IPCEF1: variants seen among roughly 807,000 people sequenced by gnomAD.
The protein encoded by IPCEF1 is interaction protein for cytohesin exchange factors 1.
Under a neutral mutation model 50.9 loss-of-function variants are expected in IPCEF1, and 31 were observed. That is an observed-to-expected ratio of 0.61 (90% CI 0.46 to 0.82). The LOEUF is 0.82. Among genes scored for constraint, IPCEF1 ranks in the 40% least tolerant of loss-of-function variants. The pLI is 0.00. For missense variants in IPCEF1, 458 were observed against 514.0 expected (o/e 0.89, Z 1.05); for synonymous variants, 181 against 192.0 (o/e 0.94, Z 0.47).
At chr6:154,284,805 T>A (rs1470494847) in intron 2 of IPCEF1, among the ~76,000 whole-genome samples, 4 of 152,038 alleles carry the variant, frequency 2.6e-5, no homozygotes, top group African/African-American at 7.2e-5. Context: ...ATCAAGACCA[T>A]CCTGGCCAAC....
intron 10 of IPCEF1, among the ~76,000 whole-genome samples, chr6:154,180,414 A>ATAT (rs1241250621): frequency 1.1e-4 from 7 of 65,266 alleles, no homozygotes; most frequent in East Asian, 1.0e-3. Context: ...ATATATATAT[A>ATAT]TTTTTTTTTT....
At chr6:154,348,208 G>A (rs1310720907) in intron 1 of IPCEF1, among the ~76,000 whole-genome samples, 1 of 152,150 alleles carries the variant, frequency 6.6e-6, no homozygotes, top group Admixed American at 6.6e-5. Context: ...CGAGTGCCTG[G>A]CTCAAACCTT....
rs191610166 is a variant in IPCEF1 at position 154,197,463 on chromosome 6, C to A, written c.910+2205G>T. The stretch of plus-strand genomic sequence containing the variant: ...TTCTGTAGCATATGAGAACTGCCAA[C>A]AAATCAATGAGAGAAAAAAAATACT... On this transcript the variant is annotated intron_variant, in intron 10 of 11. Transcript: ENST00000367220. Among the ~76,000 whole-genome samples, 7 of 152,258 alleles carry A rather than the reference C, an allele frequency of 4.6e-5. No homozygotes were observed. In the East Asian group the frequency reaches 1.3e-3, roughly 29 times the overall value.
Position 154,156,279 on chromosome 6 carries a change from C to T in IPCEF1, c.*3549G>A, listed in dbSNP as rs927401659. ...TTTAGGTTTCAAATGGAGAATTTAGCCAAACAGCCACCAGGGCCAGCCGTA... is the reference window on the plus strand; with the variant it reads ...TTTAGGTTTCAAATGGAGAATTTAGTCAAACAGCCACCAGGGCCAGCCGTA... On this transcript the variant is annotated 3_prime_UTR_variant, in exon 12 of 12. Transcript: ENST00000367220. 1 of 152,226 alleles carries T rather than the reference C, an allele frequency of 6.6e-6. No homozygotes were observed. The highest frequency in any genetic ancestry group is 2.4e-5 in the African/African-American group (1 of 41,426). The allele number at this position is 152,226 out of a possible 1,614,324, so 9.4% of individuals were successfully genotyped here.
chr6:154,181,608 C>T (rs1800877232), intron 10 of IPCEF1, among the ~76,000 whole-genome samples: 1 of 152,184 alleles, frequency 6.6e-6, no homozygotes, highest in Non-Finnish European at 1.5e-5. Context: ...CTGAACTGGA[C>T]AGACCAAGGC....
chr6:154,204,499 C>A (rs1297637265), intron 9 of IPCEF1, among the ~76,000 whole-genome samples: 1 of 152,160 alleles, frequency 6.6e-6, no homozygotes, highest in Non-Finnish European at 1.5e-5. Context: ...CAGGAAGTAT[C>A]ATGTTTGTAT....
At chr6:154,305,738 G>A (rs1463375882) in intron 1 of IPCEF1, among the ~76,000 whole-genome samples, 2 of 152,226 alleles carry the variant, frequency 1.3e-5, no homozygotes, top group African/African-American at 2.4e-5. Context: ...TGCCAGTGGA[G>A]CTGGAATAAA....
chr6:154,337,672 G>C (rs189364773), intron 1 of IPCEF1, among the ~76,000 whole-genome samples: 60 of 152,320 alleles, frequency 3.9e-4, no homozygotes, highest in African/African-American at 1.3e-3. Context: ...GTAGAAAGGG[G>C]AGGAGGGAGG....
intron 10 of IPCEF1, among the ~76,000 whole-genome samples, chr6:154,199,325 C>T (rs1776889555): frequency 6.6e-6 from 1 of 152,170 alleles, no homozygotes; most frequent in Admixed American, 6.5e-5. Context: ...ACTACAAAAT[C>T]CTGATTTAAC....
intron 6 of IPCEF1, 144 bp from the exon 7 acceptor site, chr6:154,221,472 TA>T (rs1449052247): frequency 2.1e-5 from 14 of 667,520 alleles, no homozygotes; most frequent in Non-Finnish European, 3.1e-5. Context: ...TAATATTAGA[TA>T]CCTATTGTCT....
chr6:154,214,186 C>A (rs1778196814), intron 8 of IPCEF1, 32 bp downstream of exon 8: 1 of 1,420,098 alleles, frequency 7.0e-7, no homozygotes, highest in Non-Finnish European at 1.0e-6. Context: ...AATATTCTTG[C>A]TAAATTTTCA....
At chr6:154,321,117 G>A (rs1007301860) in intron 1 of IPCEF1, among the ~76,000 whole-genome samples, 2 of 151,808 alleles carry the variant, frequency 1.3e-5, no homozygotes, top group Admixed American at 6.6e-5. Flanking sequence ...TTTTTGTAGC[G>A]ACGGGGTTTC....
rs932849965 is a variant in IPCEF1, at chr6:154,160,053, A to G, written c.1105-13T>C. On this transcript the variant is annotated splice_polypyrimidine_tract_variant and intron_variant, in intron 11 of 11. Coordinates refer to ENST00000367220, the MANE Select transcript of IPCEF1 (RefSeq NM_001130700.2). Reference sequence around the variant, plus strand: ...CATGTTCTTTACACTGTGTGAGTAGAAAAAAAGGGGAAGGGGGTATGTTGA... The same window carrying G: ...CATGTTCTTTACACTGTGTGAGTAGGAAAAAAGGGGAAGGGGGTATGTTGA... 6 of 1,587,678 alleles carry G rather than the reference A, an allele frequency of 3.8e-6. No homozygotes were observed. The African/African-American group carries it at 6.8e-5, about 18-fold the overall frequency.
chr6:154,335,349 C>T (rs1184561029), intron 1 of IPCEF1, among the ~76,000 whole-genome samples: 1 of 152,130 alleles, frequency 6.6e-6, no homozygotes, highest in Non-Finnish European at 1.5e-5. Context: ...GCTTCTGAAC[C>T]CCAATGGGGA....
At chr6:154,249,143 G>T (rs1033510518) in intron 3 of IPCEF1, among the ~76,000 whole-genome samples, 5 of 152,026 alleles carry the variant, frequency 3.3e-5, no homozygotes, top group African/African-American at 7.2e-5. Context: ...TATAATCATG[G>T]CATGTTACTA....
chr6:154,240,737 T>A (rs1373615606), intron 5 of IPCEF1, among the ~76,000 whole-genome samples: 1 of 152,234 alleles, frequency 6.6e-6, no homozygotes, highest in Non-Finnish European at 1.5e-5. Context: ...GAAGTGTGCA[T>A]GCAGCTAGAG....
chr6:154,332,536 A>C (rs1783697282), intron 1 of IPCEF1, among the ~76,000 whole-genome samples: 2 of 152,084 alleles, frequency 1.3e-5, no homozygotes, highest in African/African-American at 4.8e-5. Context: ...GTGTTTAAAA[A>C]CTTTCAATTA....
intron 2 of IPCEF1, among the ~76,000 whole-genome samples, chr6:154,288,676 C>CAAAAACAAAAAAAAAAAAAAAAA (rs1782432997): frequency 2.1e-5 from 1 of 46,892 alleles, no homozygotes; most frequent in Non-Finnish European, 4.9e-5. Context: ...ACAAAAAAAA[C>CAAAAACAAAAAAAAAAAAAAAAA]AAAAAAAAAA....
chr6:154,203,255 C>A (rs1002682217), intron 9 of IPCEF1, among the ~76,000 whole-genome samples: 25 of 152,128 alleles, frequency 1.6e-4, no homozygotes, highest in Non-Finnish European at 1.6e-4. Context: ...GCCCAACCTT[C>A]GTGTGTCTGT....
Sources: gnomAD v4.1 joint callset for allele counts (sites outside exome capture counted in the v4.1 genomes callset) on GRCh38, gnomAD v4.1.1 for gene constraint, MANE v1.5 for transcripts, NCBI Gene and HGNC (gene_info 2026-07-23, HGNC 2026-07-21) for gene names.